GALM: variants seen among roughly 807,000 people sequenced by gnomAD.
GALM encodes aldose 1-epimerase.
In GALM, 43 loss-of-function variants were observed where a neutral mutation model predicts 37.4. That is an observed-to-expected ratio of 1.15 (90% CI 0.90 to 1.48). The LOEUF is 1.48. GALM is among the 40% of genes most tolerant of loss of function. The pLI, the probability that GALM is intolerant of heterozygous loss-of-function variation, is 0.00. For missense variants in GALM, 456 were observed against 419.1 expected (o/e 1.09, Z -0.77); for synonymous variants, 199 against 170.6 (o/e 1.17, Z -1.30).
intron 4 of GALM, among the ~76,000 whole-genome samples, chr2:38,715,019 G>T (rs1666241231): frequency 1.3e-5 from 2 of 152,068 alleles, no homozygotes; most frequent in Non-Finnish European, 2.9e-5. Context: ...AATAATATTT[G>T]CTTTATATAT....
chr2:38,684,570 C>T (rs1434163966), intron 3 of GALM, among the ~76,000 whole-genome samples: 1 of 152,120 alleles, frequency 6.6e-6, no homozygotes, highest in Admixed American at 6.6e-5. Flanking sequence ...ACTTGGGAGG[C>T]CAAGGTGGGC....
rs1664930344 is a variant in GALM, at chr2:38,666,305, G to A, written c.144G>A (p.Arg48=). ...TCACAGCCCTAGAGGTCAAAGACAG[G>A]CAGGGGAGAGCCTCGGACGTGGTGC... The part of the protein sequence containing the change: ...CTITALEVKD[R]QGRASDVVLG... Residue 48 remains arginine (R), a synonymous_variant, in exon 1 of 7, where the codon AGG becomes AGA. Transcript: ENST00000272252. The A allele has an allele frequency of 6.2e-7, 1 of 1,613,806 alleles. No homozygotes were observed. The highest frequency in any genetic ancestry group is 8.5e-7 in the Non-Finnish European group (1 of 1,179,834).
At chr2:38,667,150 G>T (rs1282720021) in intron 1 of GALM, among the ~76,000 whole-genome samples, 1 of 152,128 alleles carries the variant, frequency 6.6e-6, no homozygotes, top group Non-Finnish European at 1.5e-5. Flanking sequence ...TGTACATCAT[G>T]CTCTCTTAGC....
intron 4 of GALM, among the ~76,000 whole-genome samples, chr2:38,711,455 C>G (rs1287969905): frequency 1.3e-5 from 2 of 152,136 alleles, no homozygotes; most frequent in Non-Finnish European, 2.9e-5. Flanking sequence ...GCCACCACAC[C>G]TGGCCTTACA....
chr2:38,733,473 G>T lies in GALM; in HGVS notation c.952-15G>T. ...TGCGGTGTCAAGCATCACCTGTGTT[G>T]TTTCCCCTTCACAGCCCCGCTTCCC... On this transcript the variant is annotated splice_polypyrimidine_tract_variant and intron_variant, in intron 6 of 6. Coordinates refer to ENST00000272252, the MANE Select transcript of GALM (RefSeq NM_138801.3). 1 of 1,610,988 alleles carries T rather than the reference G, an allele frequency of 6.2e-7. No individual in the cohort carries two copies. The highest frequency in any genetic ancestry group is 8.5e-7 in the Non-Finnish European group (1 of 1,177,480).
chr2:38,673,258 C>A (rs1482383597), intron 1 of GALM, among the ~76,000 whole-genome samples: 1 of 152,146 alleles, frequency 6.6e-6, no homozygotes, highest in African/African-American at 2.4e-5. Flanking sequence ...GAATTGCATT[C>A]TCTGCTGATC....
intron 4 of GALM, among the ~76,000 whole-genome samples, chr2:38,702,932 T>TATATATATATATATATATATATA (rs1553382842): frequency 7.4e-6 from 1 of 134,888 alleles, no homozygotes; most frequent in African/African-American, 2.8e-5. Context: ...TATATACTTT[T>TATATATATATATATATATATATA]TATATATATA....
intron 4 of GALM, among the ~76,000 whole-genome samples, chr2:38,711,942 G>T (rs1666181590): frequency 6.6e-6 from 1 of 151,524 alleles, no homozygotes; most frequent in African/African-American, 2.4e-5. Flanking sequence ...ACTCCATGTT[G>T]TAGGGGCTGT....
intron 2 of GALM, among the ~76,000 whole-genome samples, chr2:38,677,761 A>C (rs942632144): frequency 2.6e-5 from 4 of 152,204 alleles, no homozygotes; most frequent in African/African-American, 4.8e-5. Context: ...CAGGGGGCAC[A>C]GTAGGCCAAG....
chr2:38,684,841 C>T (rs1035294348), intron 3 of GALM, among the ~76,000 whole-genome samples: 1 of 152,016 alleles, frequency 6.6e-6, no homozygotes, highest in Non-Finnish European at 1.5e-5. Flanking sequence ...AAAAAAACAA[C>T]AGAAACTTTA....
At chr2:38,727,489 G>A (rs1294731233) in intron 4 of GALM, among the ~76,000 whole-genome samples, 1 of 152,056 alleles carries the variant, frequency 6.6e-6, no homozygotes, top group Non-Finnish European at 1.5e-5. Flanking sequence ...AGCCCTTTGG[G>A]AGGCCAAGGC....
In GALM at chr2:38,733,429, A is replaced by T. The variant is rs1211083137; in HGVS notation, c.952-59A>T. The T allele has an allele frequency of 5.0e-6, 7 of 1,412,972 alleles. No individual in the cohort carries two copies. In the African/African-American group the frequency reaches 5.7e-5, roughly 11 times the overall value. The allele number at this position is 1,412,972 out of a possible 1,614,324, so 87.5% of individuals were successfully genotyped here. On this transcript the variant is annotated intron_variant, in intron 6 of 6. Transcript: ENST00000272252. ...AGAAGCCCGTCCAGAAGCACACCCAAATGGTTAATGTTGCAGCCTGCGGTG... is the reference window on the plus strand; with the variant it reads ...AGAAGCCCGTCCAGAAGCACACCCATATGGTTAATGTTGCAGCCTGCGGTG...
intron 2 of GALM, among the ~76,000 whole-genome samples, chr2:38,678,914 G>A (rs1226717188): frequency 1.3e-5 from 2 of 152,204 alleles, no homozygotes; most frequent in East Asian, 3.8e-4. Flanking sequence ...CTGAGACTAA[G>A]ATGTGGAATA....
At chr2:38,732,060 G>A (rs909342342) in intron 6 of GALM, 151 bp downstream of exon 6, 14 of 734,458 alleles carry the variant, frequency 1.9e-5, no homozygotes, top group East Asian at 5.5e-5. Context: ...CACTCTTGTC[G>A]CCTAGGCTGT....
intron 4 of GALM, among the ~76,000 whole-genome samples, chr2:38,715,033 A>T (rs1438436715): frequency 1.3e-5 from 2 of 152,048 alleles, no homozygotes; most frequent in Non-Finnish European, 2.9e-5. Flanking sequence ...TATATATCTG[A>T]GTTCTTCAGG....
chr2:38,666,359 G>C lies in GALM; in HGVS notation c.190+8G>C, dbSNP rs1428798785. The C allele has an allele frequency of 1.2e-6, 2 of 1,606,112 alleles. No homozygotes were observed. The highest frequency in any genetic ancestry group is 1.7e-6 in the Non-Finnish European group (2 of 1,175,206). ...GCTTCGCCGAGTTGGAAGGTGGGTT[G>C]AACTGTGCCCTGGGCTGCGAGCAGG... On this transcript the variant is annotated splice_region_variant and intron_variant, in intron 1 of 6. Coordinates refer to ENST00000272252, the MANE Select transcript of GALM (RefSeq NM_138801.3).
chr2:38,675,235 A>T (rs970972242), intron 1 of GALM, among the ~76,000 whole-genome samples: 2 of 152,208 alleles, frequency 1.3e-5, no homozygotes, highest in Non-Finnish European at 2.9e-5. Flanking sequence ...ACAGATGCAT[A>T]TACTAAAAGA....
chr2:38,726,053 A>G (rs1456471012), intron 4 of GALM, among the ~76,000 whole-genome samples: 1 of 151,922 alleles, frequency 6.6e-6, no homozygotes, highest in East Asian at 1.9e-4. Flanking sequence ...ACAAAAGCAT[A>G]CCCAAGTGGG....
chr2:38,712,870 T>C (rs1666198741), intron 4 of GALM, among the ~76,000 whole-genome samples: 1 of 152,038 alleles, frequency 6.6e-6, no homozygotes, highest in Non-Finnish European at 1.5e-5. Context: ...AGGGGCTAAA[T>C]CCCCCACATA....
Sources: gnomAD v4.1 joint callset for allele counts (sites outside exome capture counted in the v4.1 genomes callset) on GRCh38, gnomAD v4.1.1 for gene constraint, MANE v1.5 for transcripts, NCBI Gene and HGNC (gene_info 2026-07-23, HGNC 2026-07-21) for gene names.